Variants in ARHGEF28 observed in about 807,000 individuals in gnomAD.
ARHGEF28 encodes the protein 190 kDa guanine nucleotide exchange factor.
ARHGEF28 carries 152 observed loss-of-function variants against 206.6 expected under a neutral mutation model. The observed-to-expected ratio is 0.74, with a 90% CI of 0.64 to 0.84. ARHGEF28 has a LOEUF of 0.84. ARHGEF28 is among the 40% of genes least tolerant of loss of function. The pLI is 0.00. For synonymous variants in ARHGEF28, 763 were observed against 776.4 expected (o/e 0.98, Z 0.29); for missense variants, 2,028 against 2,073.2 (o/e 0.98, Z 0.42).
intron 2 of ARHGEF28, 129 bp from the exon 3 acceptor site, chr5:73,749,708 C>T: frequency 1.1e-6 from 1 of 922,436 alleles, no homozygotes. Context: ...AGCACTCATG[C>T]TATTTGAACT....
chr5:73,639,245 A>AAT (rs58289090), intron 1 of ARHGEF28, among the ~76,000 whole-genome samples: 5,542 of 148,300 alleles, frequency 0.037, 369 homozygotes, highest in African/African-American at 0.13. Flanking sequence ...ATATATATAT[A>AAT]ATATATATAC....
At chr5:73,649,077 T>C (rs2112159693) in intron 1 of ARHGEF28, among the ~76,000 whole-genome samples, 1 of 152,362 alleles carries the variant, frequency 6.6e-6, no homozygotes, top group South Asian at 2.1e-4. Context: ...AACTGTCTTA[T>C]GAAATAGGCA....
chr5:73,698,993 T>C (rs1170954691), intron 2 of ARHGEF28, among the ~76,000 whole-genome samples: 1 of 152,128 alleles, frequency 6.6e-6, no homozygotes, highest in East Asian at 1.9e-4. Context: ...AGCCTCTACC[T>C]GCATCACCAC....
chr5:73,760,876 A>T (rs996909912), intron 4 of ARHGEF28, among the ~76,000 whole-genome samples: 2 of 152,218 alleles, frequency 1.3e-5, no homozygotes, highest in Non-Finnish European at 2.9e-5. Context: ...TTAAATAAGA[A>T]ACAGCAGCTT....
chr5:73,880,414 C>T (rs1003109932), intron 22 of ARHGEF28, among the ~76,000 whole-genome samples: 45 of 152,320 alleles, frequency 3.0e-4, no homozygotes, highest in South Asian at 1.7e-3. Context: ...CTTCAGCTCA[C>T]GCATGGTGTG....
intron 30 of ARHGEF28, chr5:73,898,953 C>T (rs1762112710): frequency 6.6e-6 from 1 of 152,122 alleles, no homozygotes; most frequent in Admixed American, 6.5e-5. Flanking sequence ...TTAAATTGAA[C>T]TCAAGATTGG....
chr5:73,818,099 A>C (rs1376125101), intron 9 of ARHGEF28, among the ~76,000 whole-genome samples: 3 of 152,080 alleles, frequency 2.0e-5, no homozygotes, highest in Non-Finnish European at 2.9e-5. Flanking sequence ...ATAAATTGGG[A>C]AAAGAGGGGG....
chr5:73,703,671 G>GTGTGTGTT (rs377711723), intron 2 of ARHGEF28, among the ~76,000 whole-genome samples: 24,734 of 151,648 alleles, frequency 0.16, 2,385 homozygotes, highest in Non-Finnish European at 0.22. Context: ...GTGTGTGTGT[G>GTGTGTGTT]TGTTATGAGT....
At position 73,669,600 on chromosome 5, in the gene ARHGEF28, A is replaced by T. The variant is rs914598660; in HGVS notation, c.-11-15241A>T. 5.9e-5 allele frequency among the ~76,000 whole-genome samples: 9 copies of T among 152,362 alleles called. No homozygotes were observed. In the East Asian group the frequency reaches 1.7e-3, roughly 29 times the overall value. ...CAATGGAAACATTTTATAAAGCTAT[A>T]TTCAGACGTGTTGTAGTCTTAATAT... is the stretch of plus-strand genomic sequence containing the variant. On this transcript the variant is annotated intron_variant, in intron 1 of 35. Coordinates refer to ENST00000513042, the MANE Select transcript of ARHGEF28 (RefSeq NM_001177693.2).
chr5:73,681,363 G>A (rs1466269816), intron 1 of ARHGEF28, among the ~76,000 whole-genome samples: 1 of 152,254 alleles, frequency 6.6e-6, no homozygotes, highest in East Asian at 1.9e-4. Context: ...GGATCAACTT[G>A]TTAATGTTCT....
At chr5:73,731,481 A>T (rs552603206) in intron 2 of ARHGEF28, among the ~76,000 whole-genome samples, 1 of 152,318 alleles carries the variant, frequency 6.6e-6, no homozygotes, top group South Asian at 2.1e-4. Flanking sequence ...GAATTGGGAT[A>T]CTGTGGCACA....
chr5:73,682,276 G>T (rs1040694974), intron 1 of ARHGEF28, among the ~76,000 whole-genome samples: 4 of 152,156 alleles, frequency 2.6e-5, no homozygotes, highest in Non-Finnish European at 4.4e-5. Flanking sequence ...GACCTAGGAG[G>T]ATGCTATCAC....
chr5:73,722,164 C>CA (rs765397599), intron 2 of ARHGEF28, among the ~76,000 whole-genome samples: 1 of 152,106 alleles, frequency 6.6e-6, no homozygotes, highest in Non-Finnish European at 1.5e-5. Flanking sequence ...ATAGGCTAAG[C>CA]AAAAAGATTC....
intron 2 of ARHGEF28, among the ~76,000 whole-genome samples, chr5:73,737,084 AC>A (rs2112362929): frequency 1.3e-5 from 2 of 151,660 alleles, no homozygotes; most frequent in Admixed American, 1.3e-4. Flanking sequence ...AAACCTCCCC[AC>A]CCCCACTTTA....
At chr5:73,658,936 C>A (rs922237215) in intron 1 of ARHGEF28, among the ~76,000 whole-genome samples, 9 of 145,572 alleles carry the variant, frequency 6.2e-5, no homozygotes, top group African/African-American at 5.1e-5. Flanking sequence ...GACCACATAC[C>A]TAGACAGGTC....
intron 35 of ARHGEF28, among the ~76,000 whole-genome samples, chr5:73,922,843 A>T (rs1763593182): frequency 6.6e-6 from 1 of 152,182 alleles, no homozygotes; most frequent in African/African-American, 2.4e-5. Flanking sequence ...AAAAAGTTGT[A>T]CTATTTTTGA....
rs1362780097 is a variant in ARHGEF28, at chr5:73,857,681, T to G, written c.1816T>G (p.Tyr606Asp). 7 of 1,592,268 alleles carry G rather than the reference T, an allele frequency of 4.4e-6. No individual in the cohort carries two copies. Among genetic ancestry groups the G allele is most frequent in the Non-Finnish European group, 6.0e-6 (7 of 1,168,196 alleles). The change falls in exon 15 of 36, where the codon TAC becomes GAC. Residue 606 changes from tyrosine to aspartate, a missense_variant. Physicochemically the swap from Tyr to Asp is radical, Grantham distance 160. This residue lies in a region of ARHGEF28 where 1,002 missense variants were observed against 1,015.3 expected (regional missense o/e 0.99). Coordinates refer to ENST00000513042, the MANE Select transcript of ARHGEF28 (RefSeq NM_001177693.2). ...AATTCAGGAAGAAGAATGGGATAAA[T>G]ACATCATACCTGCCAAATCAGAGTC... ...NRIQEEEWDK[Y>D]IIPAKSESEK...
chr5:73,703,656 T>A (rs1444227847), intron 2 of ARHGEF28, among the ~76,000 whole-genome samples: 1 of 147,544 alleles, frequency 6.8e-6, no homozygotes, highest in Non-Finnish European at 1.5e-5. Context: ...ATTGTGTGTG[T>A]GTGTGTGTGT....
chr5:73,918,391 A>G (rs1433527198), intron 35 of ARHGEF28, among the ~76,000 whole-genome samples: 1 of 149,330 alleles, frequency 6.7e-6, no homozygotes, highest in Non-Finnish European at 1.5e-5. Context: ...CTTTTCCTCC[A>G]CTTAAGTGAG....
Sources: gnomAD v4.1 joint callset for allele counts (sites outside exome capture counted in the v4.1 genomes callset) on GRCh38, gnomAD v4.1.1 for gene constraint, gnomAD v4.1.1 regional missense constraint, MANE v1.5 for transcripts, NCBI Gene and HGNC (gene_info 2026-07-23, HGNC 2026-07-21) for gene names.